The following TRAF3IP1 variants were observed in gnomAD, a reference collection of about 807,000 sequenced individuals.
The protein encoded by TRAF3IP1 is intraflagellar transport 54.
TRAF3IP1 carries 53 observed loss-of-function variants against 89.9 expected under a neutral mutation model. That is an observed-to-expected ratio of 0.59 (90% CI 0.47 to 0.74). The LOEUF is 0.74. Ranked by LOEUF, TRAF3IP1 falls within the 30% of genes least tolerant of loss-of-function variation. The pLI is 0.00. For synonymous variants in TRAF3IP1, 311 were observed against 322.1 expected (o/e 0.97, Z 0.37); for missense variants, 806 against 866.1 (o/e 0.93, Z 0.87).
Position 238,326,636 on chromosome 2 carries a change from C to T in TRAF3IP1, c.354+666C>T, listed in dbSNP as rs369615461. ...GAGAAGGTCTTTCCCCAGGGTCTTC[C>T]TTCTTTTGAGGGCCGAGTAGTGCCC... On this transcript the variant is annotated intron_variant, in intron 3 of 16. Coordinates refer to ENST00000373327, the MANE Select transcript of TRAF3IP1 (RefSeq NM_015650.4). Among the ~76,000 whole-genome samples the T allele has an allele frequency of 1.1e-4, 16 of 152,212 alleles. No individual in the cohort carries two copies. In the South Asian group the frequency reaches 3.3e-3, roughly 32 times the overall value.
chr2:238,331,881 C>T (rs893849006), intron 5 of TRAF3IP1, among the ~76,000 whole-genome samples: 1 of 152,172 alleles, frequency 6.6e-6, no homozygotes, highest in Non-Finnish European at 1.5e-5. Flanking sequence ...CATTCTTTGT[C>T]CTCTTCCCCA....
Position 238,385,307 on chromosome 2 carries a change from C to A in TRAF3IP1, c.1690-12152C>A, listed in dbSNP as rs543069516. Among the ~76,000 whole-genome samples the A allele has an allele frequency of 1.6e-4, 25 of 152,290 alleles. 1 individual carries two copies. In the South Asian group the frequency reaches 5.2e-3, roughly 32 times the overall value. The stretch of plus-strand genomic sequence containing the variant: ...CTGGGATTACAGGCGTGAACCGCTG[C>A]GCCTGGCCTGTAGCATCGTTTAAGT... On this transcript the variant is annotated intron_variant, in intron 15 of 16. Transcript: ENST00000373327.
chr2:238,331,625 G>T (rs1429215696), intron 5 of TRAF3IP1, among the ~76,000 whole-genome samples: 1 of 152,196 alleles, frequency 6.6e-6, no homozygotes, highest in East Asian at 1.9e-4. Flanking sequence ...CTTGGCTGCC[G>T]TGAGATTTGC....
rs1697985778 is a variant in TRAF3IP1, at chr2:238,329,063, C to G, written c.636C>G (p.His212Gln). The change falls in exon 5 of 17, where the codon CAC becomes CAG. Residue 212 changes from histidine (H) to glutamine (Q), a missense_variant. Physicochemically the swap from His to Gln is conservative, Grantham distance 24. Transcript: ENST00000373327. ...EKAKENGGNRHREGERERAKA... is the reference protein window; with the variant it reads ...EKAKENGGNRQREGERERAKA... ...CCAAGGAGAATGGCGGAAACAGACA[C>G]AGAGAAGGGGAGAGAGAGAGAGCCA... 6.4e-7 allele frequency: 1 copy of G among 1,551,224 alleles called. No individual in the cohort carries two copies. The highest frequency in any genetic ancestry group is 8.7e-7 in the Non-Finnish European group (1 of 1,146,966).
rs1399046703 is a variant in TRAF3IP1 at position 238,351,815 on chromosome 2, T to C, written c.1452-1012T>C. On this transcript the variant is annotated intron_variant, in intron 12 of 16. Transcript: ENST00000373327. The surrounding 1 kb of genome is among the most constrained non-coding windows in gnomAD (Gnocchi z 5.2). ...TCCCTCTGGACCTTGTGCATGGCAC[T>C]GAAGCAAGGGAGGATTTTGGTGTGT... is the stretch of plus-strand genomic sequence containing the variant. Among the ~76,000 whole-genome samples, 1 of 150,916 alleles carries C rather than the reference T, an allele frequency of 6.6e-6. No individual in the cohort carries two copies. Among genetic ancestry groups the C allele is most frequent in the Non-Finnish European group, 1.5e-5 (1 of 67,970 alleles).
At chr2:238,355,926 C>G (rs1223762806) in intron 14 of TRAF3IP1, 78 bp from the exon 15 acceptor site, 2 of 1,017,578 alleles carry the variant, frequency 2.0e-6, no homozygotes, top group Admixed American at 4.1e-5. Flanking sequence ...AGTGTTTTTC[C>G]CACCATCCCA....
chr2:238,372,291 C>T (rs376118191), intron 15 of TRAF3IP1, among the ~76,000 whole-genome samples: 1 of 152,082 alleles, frequency 6.6e-6, no homozygotes, highest in African/African-American at 2.4e-5. Context: ...GCCCTCTGCC[C>T]CCCGACAGGC....
At chr2:238,368,824 C>A (rs1699990445) in intron 15 of TRAF3IP1, among the ~76,000 whole-genome samples, 1 of 152,080 alleles carries the variant, frequency 6.6e-6, no homozygotes. Flanking sequence ...GCGCCTGCCA[C>A]CATGTCCAGC....
At chr2:238,349,167 C>T (rs1699032642) in intron 11 of TRAF3IP1, among the ~76,000 whole-genome samples, 158 bp from the exon 12 acceptor site, 1 of 152,164 alleles carries the variant, frequency 6.6e-6, no homozygotes, top group Non-Finnish European at 1.5e-5. Context: ...GGTCGGGTTA[C>T]TGGGACGTTC....
At chr2:238,395,797 A>G (rs1701187747) in intron 15 of TRAF3IP1, among the ~76,000 whole-genome samples, 1 of 152,258 alleles carries the variant, frequency 6.6e-6, no homozygotes, top group Non-Finnish European at 1.5e-5. Flanking sequence ...ATCACTGGCC[A>G]TCAGAGATAT....
intron 10 of TRAF3IP1, 38 bp downstream of exon 10, chr2:238,347,513 T>C (rs1698949574): frequency 6.2e-7 from 1 of 1,609,700 alleles, no homozygotes; most frequent in Middle Eastern, 1.7e-4. Flanking sequence ...GTCATATCAA[T>C]TGTATGCATG....
intron 1 of TRAF3IP1, 64 bp from the exon 2 acceptor site, chr2:238,325,242 T>C: frequency 2.0e-6 from 3 of 1,489,726 alleles, no homozygotes; most frequent in Non-Finnish European, 2.8e-6. Flanking sequence ...TGGAGTTGAG[T>C]GGATGAGGCT....
At position 238,332,964 on chromosome 2, in the gene TRAF3IP1, G is replaced by A. The variant is rs73089002; in HGVS notation, c.987+69G>A. The A allele has an allele frequency of 1.2e-3, 1,375 of 1,193,700 alleles. 11 individuals are homozygous for A. In the African/African-American group the frequency reaches 0.018, roughly 16 times the overall value. The allele number at this position is 1,193,700 out of a possible 1,614,324, so 73.9% of individuals were successfully genotyped here. A position where few individuals can be genotyped will look rare whatever the true frequency, so the allele number is the denominator to read the frequency against. On this transcript the variant is annotated intron_variant, in intron 6 of 16. Transcript: ENST00000373327. Reference sequence around the variant, plus strand: ...TGTGTTGAAATAGTGAATGCTGTGCGCTCCCCGGGTCCACTGAGGCATGGA... The same window carrying A: ...TGTGTTGAAATAGTGAATGCTGTGCACTCCCCGGGTCCACTGAGGCATGGA...
chr2:238,334,137 A>C (rs992503607), intron 7 of TRAF3IP1, 102 bp downstream of exon 7: 6 of 883,064 alleles, frequency 6.8e-6, no homozygotes. Context: ...TATGGCTGGA[A>C]AACAGACTTG....
chr2:238,338,260 T>C lies in TRAF3IP1; in HGVS notation c.1064-102T>C, dbSNP rs1301154628. The C allele has an allele frequency of 1.3e-4, 80 of 623,076 alleles. 1 individual carries two copies. In the East Asian group the frequency reaches 2.4e-3, roughly 19 times the overall value. 38.6% of individuals were successfully genotyped at this position (623,076 alleles called of 1,614,324 possible). A position where few individuals can be genotyped will look rare whatever the true frequency, so the allele number is the denominator to read the frequency against. On this transcript the variant is annotated intron_variant, in intron 7 of 16. Coordinates refer to ENST00000373327, the MANE Select transcript of TRAF3IP1 (RefSeq NM_015650.4). ...CCATTTAGTTGACAAGACAGTTTGCTGGTGACCTTGGTGTAATGTAACCCT... is the reference window on the plus strand; with the variant it reads ...CCATTTAGTTGACAAGACAGTTTGCCGGTGACCTTGGTGTAATGTAACCCT...
chr2:238,383,172 G>A (rs1003404552), intron 15 of TRAF3IP1, among the ~76,000 whole-genome samples: 1 of 152,138 alleles, frequency 6.6e-6, no homozygotes, highest in Non-Finnish European at 1.5e-5. Flanking sequence ...CCCACCTGCT[G>A]TAGGCTGCCC....
chr2:238,336,517 G>C (rs1030527156), intron 7 of TRAF3IP1, among the ~76,000 whole-genome samples: 3 of 152,082 alleles, frequency 2.0e-5, no homozygotes, highest in Non-Finnish European at 4.4e-5. Flanking sequence ...CAGGGTGTGA[G>C]GGTATCACAT....
chr2:238,376,539 C>A (rs915275820), intron 15 of TRAF3IP1, among the ~76,000 whole-genome samples: 7 of 152,194 alleles, frequency 4.6e-5, no homozygotes, highest in African/African-American at 1.7e-4. Flanking sequence ...CCGTGAAAAA[C>A]CCTCTTGGGA....
chr2:238,397,438 C>T lies in TRAF3IP1; in HGVS notation c.1690-21C>T, dbSNP rs768964144. ...TGGACTGAGGAGGCGTGTTCCTCTT[C>T]CTATGTCTCCCTGACTGTAGGAGCG... On this transcript the variant is annotated intron_variant, in intron 15 of 16. Transcript: ENST00000373327. 6.8e-6 allele frequency: 11 copies of T among 1,610,562 alleles called. No homozygotes were observed. The South Asian group carries it at 1.2e-4, about 18-fold the overall frequency.
Sources: allele counts gnomAD v4.1 joint callset (sites outside exome capture counted in the v4.1 genomes callset), GRCh38; gene constraint gnomAD v4.1.1; non-coding constraint Gnocchi (gnomAD v3.1); transcripts MANE v1.5; gene names NCBI Gene and HGNC (gene_info 2026-07-23, HGNC 2026-07-21).